The following FGD6 variants were observed in gnomAD, a reference collection of about 807,000 sequenced individuals.
The protein encoded by FGD6 is FYVE, RhoGEF and PH domain-containing protein 6.
FGD6 carries 90 observed loss-of-function variants against 149.4 expected under a neutral mutation model. The ratio of observed to expected loss-of-function variants is 0.60; its 90% CI spans 0.51 to 0.72. The LOEUF is 0.72. Among genes scored for constraint, FGD6 ranks in the 30% least tolerant of loss-of-function variants. The pLI, the probability that FGD6 is intolerant of heterozygous loss-of-function variation, is 0.00. For synonymous variants in FGD6, 527 were observed against 584.0 expected (o/e 0.90, Z 1.41); for missense variants, 1,437 against 1,684.8 (o/e 0.85, Z 2.57).
chr12:95,103,751 G>T (rs1403663852), intron 14 of FGD6, among the ~76,000 whole-genome samples: 1 of 152,140 alleles, frequency 6.6e-6, no homozygotes, highest in Non-Finnish European at 1.5e-5. Flanking sequence ...TGGCCAGGCT[G>T]GTCTCAAACT....
At position 95,175,138 on chromosome 12, in the gene FGD6, A is replaced by G. The variant is rs568128981; in HGVS notation, c.2442-2394T>C. On this transcript the variant is annotated intron_variant, in intron 2 of 20. Transcript: ENST00000343958. Reference sequence around the variant, plus strand: ...TTTAAATATTAAAACTACATGAATCAAAACACAATGCCATGAAACAAGGAG... The same window carrying G: ...TTTAAATATTAAAACTACATGAATCGAAACACAATGCCATGAAACAAGGAG... Among the ~76,000 whole-genome samples, 11 of 152,288 alleles carry G rather than the reference A, an allele frequency of 7.2e-5. No individual in the cohort carries two copies. In the South Asian group the frequency reaches 1.0e-3, roughly 14 times the overall value.
intron 2 of FGD6, among the ~76,000 whole-genome samples, chr12:95,177,946 T>C (rs1395972753): frequency 6.6e-6 from 1 of 151,912 alleles, no homozygotes; most frequent in Non-Finnish European, 1.5e-5. Context: ...TATTTATTGG[T>C]ACAGACAGGG....
intron 8 of FGD6, among the ~76,000 whole-genome samples, chr12:95,121,210 C>T (rs890012415): frequency 2.0e-5 from 3 of 151,754 alleles, no homozygotes; most frequent in Non-Finnish European, 2.9e-5. Flanking sequence ...GAGGCCGAAG[C>T]GGGCAGATCA....
intron 20 of FGD6, among the ~76,000 whole-genome samples, chr12:95,082,455 C>T (rs1375795847): frequency 2.0e-5 from 3 of 151,488 alleles, no homozygotes; most frequent in Non-Finnish European, 4.4e-5. Context: ...GTCAGAAGTT[C>T]GAGACCAGCC....
intron 3 of FGD6, among the ~76,000 whole-genome samples, chr12:95,155,496 C>T (rs1880441970): frequency 6.6e-6 from 1 of 152,180 alleles, no homozygotes; most frequent in Admixed American, 6.5e-5. Context: ...CCACTGCACT[C>T]TAGCCTGCGC....
chr12:95,089,597 T>C lies in FGD6; in HGVS notation c.3950A>G (p.Gln1317Arg). The C allele has an allele frequency of 6.2e-7, 1 of 1,613,724 alleles. No individual in the cohort carries two copies. Among genetic ancestry groups the C allele is most frequent in the African/African-American group, 1.3e-5 (1 of 75,062 alleles). Reference sequence around the variant, plus strand: ...TTTGAGAGCAGCTGGGATTTTTTTCTGTTTCCTCCCTGATGGAATGCTATG... The same window carrying C: ...TTTGAGAGCAGCTGGGATTTTTTTCCGTTTCCTCCCTGATGGAATGCTATG... The part of the protein sequence containing the change: ...VLHSIPSGRK[Q>R]KKIPAALKEV... Residue 1317 changes from glutamine to arginine, a missense_variant, in exon 18 of 21, where the codon CAG (glutamine) becomes CGG (arginine). Gln to Arg is a conservative substitution (Grantham distance 43). Coordinates refer to ENST00000343958, the MANE Select transcript of FGD6 (RefSeq NM_018351.4).
At chr12:95,139,226 G>A (rs1443006426) in intron 6 of FGD6, among the ~76,000 whole-genome samples, 1 of 152,058 alleles carries the variant, frequency 6.6e-6, no homozygotes, top group Non-Finnish European at 1.5e-5. Context: ...GATCACTTGA[G>A]CCCAGGAGCA....
At chr12:95,149,378 T>C (rs1880219512) in intron 5 of FGD6, among the ~76,000 whole-genome samples, 2 of 119,300 alleles carry the variant, frequency 1.7e-5, no homozygotes, top group Non-Finnish European at 1.6e-5. Context: ...ATAGCACATA[T>C]TTTATATATA....
chr12:95,136,295 T>C (rs1169499980), intron 7 of FGD6, among the ~76,000 whole-genome samples: 3 of 150,842 alleles, frequency 2.0e-5, no homozygotes, highest in Non-Finnish European at 4.4e-5. Context: ...GAGGCAGAGG[T>C]TGCAGTGAGC....
At chr12:95,092,940 G>T in intron 15 of FGD6, 95 bp from the exon 16 acceptor site, 1 of 1,388,588 alleles carries the variant, frequency 7.2e-7, no homozygotes, top group Non-Finnish European at 9.9e-7. Flanking sequence ...GGGGATGAGG[G>T]TCAGGCACAG....
chr12:95,139,675 T>A (rs935827711), intron 6 of FGD6, among the ~76,000 whole-genome samples: 2 of 115,394 alleles, frequency 1.7e-5, no homozygotes, highest in African/African-American at 3.3e-5. Context: ...TTTTTTTTTT[T>A]AAAGGAGTCT....
chr12:95,153,075 C>T, intron 3 of FGD6, 82 bp from the exon 4 acceptor site: 1 of 1,229,120 alleles, frequency 8.1e-7, no homozygotes, highest in East Asian at 2.3e-5. Flanking sequence ...CGAATTTTAA[C>T]TCTGATACTT....
At chr12:95,115,646 G>C (rs1878984866) in intron 8 of FGD6, among the ~76,000 whole-genome samples, 1 of 152,138 alleles carries the variant, frequency 6.6e-6, no homozygotes, top group South Asian at 2.1e-4. Context: ...AAGGAGGAAA[G>C]GTGTGTTCAG....
At chr12:95,206,106 T>C (rs1725756885) in intron 2 of FGD6, among the ~76,000 whole-genome samples, 1 of 151,952 alleles carries the variant, frequency 6.6e-6, no homozygotes, top group African/African-American at 2.4e-5. Flanking sequence ...AGCTCCAGGA[T>C]TGGCAGAGAT....
intron 2 of FGD6, among the ~76,000 whole-genome samples, chr12:95,205,282 T>C (rs1041897451): frequency 1.4e-5 from 2 of 146,792 alleles, no homozygotes; most frequent in East Asian, 2.0e-4. Flanking sequence ...AAAAAAAAAG[T>C]AAATGGTAAG....
chr12:95,185,479 G>C (rs1475329096), intron 2 of FGD6, among the ~76,000 whole-genome samples: 4 of 152,122 alleles, frequency 2.6e-5, no homozygotes, highest in African/African-American at 9.7e-5. Context: ...CAGCCTAAGA[G>C]ACCTGCATTT....
At chr12:95,159,340 A>C (rs1264476700) in intron 3 of FGD6, among the ~76,000 whole-genome samples, 1 of 152,230 alleles carries the variant, frequency 6.6e-6, no homozygotes, top group Non-Finnish European at 1.5e-5. Flanking sequence ...ATTTTAAAAA[A>C]TCCTTATGAT....
At chr12:95,096,917 C>T (rs1305466135) in intron 14 of FGD6, among the ~76,000 whole-genome samples, 1 of 152,210 alleles carries the variant, frequency 6.6e-6, no homozygotes, top group Non-Finnish European at 1.5e-5. Context: ...CTCCCTCCCT[C>T]CCCGGCTCCT....
chr12:95,134,799 G>A lies in FGD6; in HGVS notation c.3022C>T (p.Leu1008Phe), dbSNP rs754632770. 9 of 1,613,700 alleles carry A rather than the reference G, an allele frequency of 5.6e-6. No homozygotes were observed. In the East Asian group the frequency reaches 1.6e-4, roughly 28 times the overall value. Residue 1008 changes from leucine to phenylalanine, a missense_variant, in exon 8 of 21, where the codon CTC (leucine) becomes TTC (phenylalanine). Leu to Phe is a conservative substitution (Grantham distance 22, BLOSUM62 0). Transcript: ENST00000343958. ...EMSPRCANLA[L>F]KHYLLKPVQR... ...ACCGGCTTGAGCAGGTAGTGCTTGA[G>A]GGCCAGATTAGCACAGCGAGGGCTC...
Sources: gnomAD v4.1 joint callset for allele counts (sites outside exome capture counted in the v4.1 genomes callset) on GRCh38, gnomAD v4.1.1 for gene constraint, MANE v1.5 for transcripts, NCBI Gene and HGNC (gene_info 2026-07-23, HGNC 2026-07-21) for gene names.